The following BRD7 variants were observed in gnomAD, a reference collection of about 807,000 sequenced individuals.
BRD7 encodes the protein bromodomain-containing protein 7.
Under a neutral mutation model 82.1 loss-of-function variants are expected in BRD7, and 15 were observed. The observed-to-expected ratio is 0.18, with a 90% CI of 0.12 to 0.28. The LOEUF (loss-of-function observed/expected upper bound fraction) is 0.28, where lower values mean the gene tolerates loss of function less well. Ranked by LOEUF, BRD7 falls within the 10% of genes least tolerant of loss-of-function variation. BRD7 has a pLI of 1.00. For synonymous variants in BRD7, 232 were observed against 266.9 expected (o/e 0.87, Z 1.27); for missense variants, 638 against 779.9 (o/e 0.82, Z 2.17).
chr16:50,323,532 C>G, intron 12 of BRD7, 55 bp downstream of exon 12: 2 of 1,306,220 alleles, frequency 1.5e-6, no homozygotes, highest in Admixed American at 3.4e-5. Context: ...TACTGAATGA[C>G]TAATGCTTGA....
At chr16:50,319,306 A>C in intron 16 of BRD7, 40 bp from the exon 17 acceptor site, 1 of 1,592,160 alleles carries the variant, frequency 6.3e-7, no homozygotes, top group Non-Finnish European at 8.6e-7. Flanking sequence ...CATTGTTTTT[A>C]CCTTTTAATT....
At chr16:50,319,323 G>C in intron 16 of BRD7, 57 bp from the exon 17 acceptor site, 1 of 1,546,044 alleles carries the variant, frequency 6.5e-7, no homozygotes, top group African/African-American at 1.4e-5. Context: ...AATTAAAAAG[G>C]GGACATGAAA....
intron 9 of BRD7, 63 bp downstream of exon 9, chr16:50,328,606 A>T: frequency 1.4e-6 from 2 of 1,424,236 alleles, no homozygotes; most frequent in East Asian, 2.3e-5. Flanking sequence ...TAAAATGTTA[A>T]CCCAGGTTAC....
intron 4 of BRD7, among the ~76,000 whole-genome samples, chr16:50,350,387 C>G (rs2038468436): frequency 6.6e-6 from 1 of 152,144 alleles, no homozygotes; most frequent in African/African-American, 2.4e-5. Flanking sequence ...ATGGAGATTT[C>G]TTTCTTTTAA....
At chr16:50,352,747 G>A (rs1377343393) in intron 4 of BRD7, among the ~76,000 whole-genome samples, 1 of 150,238 alleles carries the variant, frequency 6.7e-6, no homozygotes, top group African/African-American at 2.5e-5. Flanking sequence ...TCTAATTGGG[G>A]TGAGGTGATT....
At chr16:50,344,593 T>C (rs938506908) in intron 5 of BRD7, among the ~76,000 whole-genome samples, 3 of 152,070 alleles carry the variant, frequency 2.0e-5, no homozygotes, top group African/African-American at 7.2e-5. Flanking sequence ...GAGCTGAAAA[T>C]CATGGCACGA....
Position 50,325,859 on chromosome 16 carries a change from T to C in BRD7, c.1220A>G (p.Tyr407Cys), listed in dbSNP as rs553776543. Residue 407 changes from tyrosine (Y) to cysteine (C), a missense_variant, in exon 11 of 17, where the codon TAC (tyrosine) becomes TGC (cysteine). By Grantham distance (194) the Tyr-to-Cys change is radical. Transcript: ENST00000394688. ...GTCATAATGCGGTGCATAAGAACTG[T>C]AGGGCCCATAATTCAAATATAACAC... is the stretch of plus-strand genomic sequence containing the variant. The part of the protein sequence containing the change: ...TPVLYLNYGP[Y>C]SSYAPHYDST... 2 of 1,603,232 alleles carry C rather than the reference T, an allele frequency of 1.2e-6. No homozygotes were observed. The highest frequency in any genetic ancestry group is 1.7e-6 in the Non-Finnish European group (2 of 1,177,462).
intron 9 of BRD7, among the ~76,000 whole-genome samples, chr16:50,327,770 G>C (rs2037400553): frequency 6.6e-6 from 1 of 152,104 alleles, no homozygotes; most frequent in African/African-American, 2.4e-5. Flanking sequence ...ACACACACCT[G>C]CATAGTACTG....
At chr16:50,355,488 C>T (rs1441372149) in intron 2 of BRD7, among the ~76,000 whole-genome samples, 5 of 152,142 alleles carry the variant, frequency 3.3e-5, no homozygotes, top group African/African-American at 1.2e-4. Flanking sequence ...GATAATAAGA[C>T]AATGTGGGTC....
At chr16:50,328,518 T>TA in intron 9 of BRD7, 151 bp downstream of exon 9, 2 of 575,330 alleles carry the variant, frequency 3.5e-6, no homozygotes, top group Non-Finnish European at 5.9e-6. Context: ...GGCTAGCTGT[T>TA]ACCATGAAAT....
At chr16:50,327,362 A>G (rs780325665) in intron 9 of BRD7, among the ~76,000 whole-genome samples, 3 of 152,242 alleles carry the variant, frequency 2.0e-5, no homozygotes, top group Non-Finnish European at 2.9e-5. Flanking sequence ...TTAAGGTGTC[A>G]CCTACATCAG....
chr16:50,341,973 ACTT>A (rs2038082758), intron 5 of BRD7, among the ~76,000 whole-genome samples: 1 of 122,128 alleles, frequency 8.2e-6, no homozygotes, highest in Non-Finnish European at 1.7e-5. Flanking sequence ...CACACATTTT[ACTT>A]CAACTGCCAA....
intron 7 of BRD7, among the ~76,000 whole-genome samples, chr16:50,334,455 C>T (rs1445015940): frequency 6.6e-6 from 1 of 152,152 alleles, no homozygotes; most frequent in Non-Finnish European, 1.5e-5. Context: ...TCCCAAAAGA[C>T]ACTTTATAGG....
At chr16:50,344,161 C>T (rs1165398931) in intron 5 of BRD7, among the ~76,000 whole-genome samples, 3 of 152,112 alleles carry the variant, frequency 2.0e-5, no homozygotes, top group East Asian at 3.9e-4. Flanking sequence ...CTGGAGTAGA[C>T]CCCCAGCAAA....
Position 50,319,185 on chromosome 16 carries a change from A to T in BRD7, c.*26T>A. The T allele has an allele frequency of 1.3e-6, 2 of 1,560,228 alleles. No individual in the cohort carries two copies. The highest frequency in any genetic ancestry group is 1.8e-6 in the Non-Finnish European group (2 of 1,135,256). Reference sequence around the variant, plus strand: ...GTTAAGAATGAAAAAGTATGTACATAATATATAATCAAATACCAGGCAGCC... The same window carrying T: ...GTTAAGAATGAAAAAGTATGTACATTATATATAATCAAATACCAGGCAGCC... On this transcript the variant is annotated 3_prime_UTR_variant, in exon 17 of 17. Coordinates refer to ENST00000394688, the MANE Select transcript of BRD7 (RefSeq NM_013263.5).
chr16:50,323,419 C>G (rs2037201835), intron 12 of BRD7, among the ~76,000 whole-genome samples, 168 bp downstream of exon 12: 1 of 152,224 alleles, frequency 6.6e-6, no homozygotes, highest in South Asian at 2.1e-4. Flanking sequence ...AGCTAAATTA[C>G]TCCTTTCCGT....
At chr16:50,338,724 T>C (rs1057204672) in intron 6 of BRD7, among the ~76,000 whole-genome samples, 1 of 152,208 alleles carries the variant, frequency 6.6e-6, no homozygotes, top group Non-Finnish European at 1.5e-5. Context: ...AGAAATCATC[T>C]TGGAGACCAC....
intron 6 of BRD7, 32 bp from the exon 7 acceptor site, chr16:50,334,927 G>A (rs1397222910): frequency 1.3e-6 from 2 of 1,593,218 alleles, no homozygotes; most frequent in East Asian, 2.2e-5. Context: ...CTTATTATAT[G>A]TTTGTCATTA....
At chr16:50,343,729 T>C (rs908264391) in intron 5 of BRD7, among the ~76,000 whole-genome samples, 1 of 152,146 alleles carries the variant, frequency 6.6e-6, no homozygotes, top group Non-Finnish European at 1.5e-5. Flanking sequence ...GAGATTGAAC[T>C]GCAAGGCAGC....
Sources: allele counts gnomAD v4.1 joint callset (sites outside exome capture counted in the v4.1 genomes callset), GRCh38; gene constraint gnomAD v4.1.1; transcripts MANE v1.5; gene names NCBI Gene and HGNC (gene_info 2026-07-23, HGNC 2026-07-21).